Variants in TMEM255A observed in about 807,000 individuals in gnomAD.
The protein encoded by TMEM255A is transmembrane protein 255A, also known as family with sequence similarity 70, member A.
A neutral mutation model predicts 23.5 loss-of-function variants in TMEM255A; 14 were observed. The observed-to-expected ratio is 0.60, with a 90% confidence interval of 0.39 to 0.93. The LOEUF is 0.93. TMEM255A is among the 40% of genes least tolerant of loss of function. The pLI is 0.00. For missense variants in TMEM255A, 233 were observed against 261.7 expected (o/e 0.89, Z 0.76); for synonymous variants, 104 against 100.3 (o/e 1.04, Z -0.22).
chrX:120,278,983 A>G (rs1556020309), intron 6 of TMEM255A, among the ~76,000 whole-genome samples: 1 of 111,411 alleles, frequency 9.0e-6, no homozygotes, highest in Admixed American at 9.5e-5. Context: ...TATCTTTGAG[A>G]AAGAGAGATG....
intron 5 of TMEM255A, among the ~76,000 whole-genome samples, chrX:120,286,669 T>TA (rs2057876898): frequency 8.9e-6 from 1 of 111,903 alleles, no homozygotes; most frequent in Non-Finnish European, 1.9e-5. Flanking sequence ...CCCCAGAGCA[T>TA]AAAGGTGGAT....
intron 6 of TMEM255A, among the ~76,000 whole-genome samples, chrX:120,283,782 C>T (rs1424366135): frequency 9.0e-6 from 1 of 111,337 alleles, no homozygotes; most frequent in Non-Finnish European, 1.9e-5. Flanking sequence ...TGCGCTCTTG[C>T]AATGGCCTCC....
chrX:120,258,636 T>C (rs1303694305), downstream of TMEM255A: 2 of 112,322 alleles, frequency 1.8e-5, no homozygotes, highest in Admixed American at 1.9e-4. Context: ...TATAGCTACC[T>C]TGACACAAGT....
At chrX:120,272,352 C>G (rs1034160018) in intron 7 of TMEM255A, among the ~76,000 whole-genome samples, 1 of 111,669 alleles carries the variant, frequency 9.0e-6, no homozygotes, top group Non-Finnish European at 1.9e-5. Flanking sequence ...GTATGGGAAA[C>G]TGAAGGTCCC....
chrX:120,311,189 G>T, intron 1 of TMEM255A, 63 bp downstream of exon 1: 1 of 1,021,243 alleles, frequency 9.8e-7, no homozygotes, highest in Non-Finnish European at 1.4e-6. Context: ...GGCGTTCACA[G>T]TCCAGAGGCC....
At chrX:120,280,654 A>G (rs1456808554) in intron 6 of TMEM255A, among the ~76,000 whole-genome samples, 1 of 110,872 alleles carries the variant, frequency 9.0e-6, no homozygotes, top group East Asian at 2.8e-4. Flanking sequence ...TACTCTTCCT[A>G]AAACACTTTT....
At chrX:120,263,786 A>C (rs1295957048) in intron 8 of TMEM255A, among the ~76,000 whole-genome samples, 1 of 108,919 alleles carries the variant, frequency 9.2e-6, no homozygotes, top group Non-Finnish European at 1.9e-5. Context: ...GGACGAAAGG[A>C]AAGACTTGAC....
chrX:120,282,686 T>C (rs2057845428), intron 6 of TMEM255A, among the ~76,000 whole-genome samples: 1 of 111,943 alleles, frequency 8.9e-6, no homozygotes, highest in African/African-American at 3.3e-5. Flanking sequence ...CTGGTATAAC[T>C]TGCTTTAAGA....
At chrX:120,291,987 C>T (rs138201566) in intron 3 of TMEM255A, among the ~76,000 whole-genome samples, 1,158 of 111,042 alleles carry the variant, frequency 0.01, 21 homozygotes, top group African/African-American at 0.036. Context: ...TCTGAATCAA[C>T]GTTGTATGAT....
intron 2 of TMEM255A, among the ~76,000 whole-genome samples, chrX:120,302,750 G>A (rs2058041139): frequency 9.0e-6 from 1 of 110,691 alleles, no homozygotes; most frequent in Non-Finnish European, 1.9e-5. Flanking sequence ...CCCACTTTAG[G>A]TCCCAGCTTC....
At chrX:120,270,542 C>T (rs1459048809) in intron 7 of TMEM255A, among the ~76,000 whole-genome samples, 1 of 111,351 alleles carries the variant, frequency 9.0e-6, no homozygotes, top group East Asian at 2.8e-4. Flanking sequence ...TCTAAACCAG[C>T]GATACCAATT....
At chrX:120,285,249 C>A (rs781857732) in intron 5 of TMEM255A, 34 bp from the exon 6 acceptor site, 1 of 1,105,503 alleles carries the variant, frequency 9.0e-7, no homozygotes, top group South Asian at 1.8e-5. Flanking sequence ...GATGAGCTGG[C>A]ATTGGATAGG....
rs2058101395 is a variant in TMEM255A at position 120,311,408 on chromosome X, G to C, written c.-99C>G. 1 of 707,520 alleles carries C rather than the reference G, an allele frequency of 1.4e-6. No individual in the cohort carries two copies. The highest frequency in any genetic ancestry group is 2.4e-5 in the South Asian group (1 of 42,339). The allele number at this position is 707,520 out of a possible 1,213,427, so 58.3% of individuals were successfully genotyped here. ...ATCCTACTCCGCGGTTGCCTCTCTC[G>C]GTCCTTCCGAGAGCTGAGAGACACT... On this transcript the variant is annotated 5_prime_UTR_variant, in exon 1 of 9. Transcript: ENST00000371369.
chrX:120,272,123 G>A (rs1556018899), intron 7 of TMEM255A, among the ~76,000 whole-genome samples: 2 of 111,929 alleles, frequency 1.8e-5, no homozygotes, highest in Non-Finnish European at 3.8e-5. Context: ...CAGCTCTGAA[G>A]CTCAGTGTGG....
intron 5 of TMEM255A, chrX:120,285,497 C>G (rs781927613): frequency 1.2e-5 from 11 of 917,722 alleles, no homozygotes; most frequent in Non-Finnish European, 1.7e-5. Flanking sequence ...GAAGGACAGA[C>G]GGAAGAACAA....
intron 2 of TMEM255A, among the ~76,000 whole-genome samples, chrX:120,296,699 A>T (rs1444891069): frequency 1.7e-5 from 1 of 58,462 alleles, no homozygotes; most frequent in Non-Finnish European, 2.9e-5. Context: ...TATATTAAAT[A>T]TATTTAGGTA....
Position 120,291,325 on chromosome X carries a change from C to G in TMEM255A, c.280G>C (p.Val94Leu). ...NKRQMLVASIVFISFGVIAAF... is the reference protein window; with the variant it reads ...NKRQMLVASILFISFGVIAAF... The stretch of plus-strand genomic sequence containing the variant: ...GCAATCACACCAAAGCTGATAAACA[C>G]GATAGAAGCCACCAGCTGTAGGGGG... Residue 94 changes from valine (V) to leucine (L), a missense_variant, in exon 4 of 9, where the codon GTG (valine) becomes CTG (leucine). Coordinates refer to ENST00000371369, the MANE Select transcript of TMEM255A (RefSeq NM_001104544.3). The G allele has an allele frequency of 1.7e-6, 2 of 1,207,451 alleles. No homozygotes were observed. Among genetic ancestry groups the G allele is most frequent in the Non-Finnish European group, 2.2e-6 (2 of 892,980 alleles).
chrX:120,281,909 C>T (rs1308206197), intron 6 of TMEM255A, among the ~76,000 whole-genome samples: 2 of 111,900 alleles, frequency 1.8e-5, no homozygotes, highest in African/African-American at 3.2e-5. Flanking sequence ...GGTATTAAAA[C>T]CTCAACACCC....
At chrX:120,304,784 G>A (rs142075394) in intron 1 of TMEM255A, among the ~76,000 whole-genome samples, 2,010 of 111,945 alleles carry the variant, frequency 0.018, 20 homozygotes, top group Middle Eastern at 0.06. Flanking sequence ...CTCTGTAAGA[G>A]ATGTGTCACA....
Sources: allele counts gnomAD v4.1 joint callset (sites outside exome capture counted in the v4.1 genomes callset), GRCh38; gene constraint gnomAD v4.1.1; transcripts MANE v1.5; gene names NCBI Gene and HGNC (gene_info 2026-07-23, HGNC 2026-07-21).